The following ZBTB46 variants were observed in gnomAD, a reference collection of about 807,000 sequenced individuals.
ZBTB46 encodes the protein zinc finger and BTB domain-containing protein 46.
Under a neutral mutation model 44.1 loss-of-function variants are expected in ZBTB46, and 8 were observed. The observed-to-expected ratio is 0.18, with a 90% CI of 0.11 to 0.33. The LOEUF (loss-of-function observed/expected upper bound fraction) is 0.33, where lower values mean the gene tolerates loss of function less well. Ranked by LOEUF, ZBTB46 falls within the 10% of genes least tolerant of loss-of-function variation. The pLI, the probability that ZBTB46 is intolerant of heterozygous loss-of-function variation, is 1.00. For synonymous variants in ZBTB46, 409 were observed against 382.3 expected (o/e 1.07, Z -0.81); for missense variants, 651 against 847.7 (o/e 0.77, Z 2.88).
At chr20:63,822,454 C>G (rs1014384458) in intron 1 of ZBTB46, among the ~76,000 whole-genome samples, 2 of 152,190 alleles carry the variant, frequency 1.3e-5, no homozygotes, top group African/African-American at 2.4e-5. Context: ...GCTCTAGGCC[C>G]CGACAAAGGA....
intron 1 of ZBTB46, among the ~76,000 whole-genome samples, chr20:63,830,429 G>GCCGCC (rs1416552340): frequency 2.7e-5 from 4 of 149,850 alleles, no homozygotes; most frequent in Non-Finnish European, 4.5e-5. Flanking sequence ...CGCGCCCCGA[G>GCCGCC]CCGCCCCGCC....
chr20:63,789,210 C>T (rs1455349507), intron 2 of ZBTB46, among the ~76,000 whole-genome samples: 4 of 152,134 alleles, frequency 2.6e-5, no homozygotes, highest in Non-Finnish European at 5.9e-5. Context: ...TGTCAGCAGA[C>T]ACAAAATCCA....
At chr20:63,784,757 A>C (rs921185744) in intron 2 of ZBTB46, among the ~76,000 whole-genome samples, 4 of 152,224 alleles carry the variant, frequency 2.6e-5, no homozygotes, top group Admixed American at 2.6e-4. Flanking sequence ...CTCAGAAATA[A>C]ATTTCAAGGG....
intron 1 of ZBTB46, among the ~76,000 whole-genome samples, chr20:63,806,638 T>G (rs2146007273): frequency 6.6e-6 from 1 of 152,288 alleles, no homozygotes; most frequent in Admixed American, 6.5e-5. Context: ...AGATGGAATC[T>G]GGCTCTGTCA....
chr20:63,820,263 T>G (rs1170418347), intron 1 of ZBTB46, among the ~76,000 whole-genome samples: 1 of 151,538 alleles, frequency 6.6e-6, no homozygotes, highest in Non-Finnish European at 1.5e-5. Context: ...CCAGCTAATT[T>G]TGTTTTTTTG....
At chr20:63,786,588 C>T (rs1469845959) in intron 2 of ZBTB46, among the ~76,000 whole-genome samples, 3 of 152,028 alleles carry the variant, frequency 2.0e-5, no homozygotes, top group African/African-American at 7.2e-5. Context: ...CTCAGCTCAC[C>T]GCAACCTCCG....
At position 63,752,911 on chromosome 20, in the gene ZBTB46, C is replaced by A; in HGVS notation, c.1223-50G>T. 1 of 1,540,682 alleles carries A rather than the reference C, an allele frequency of 6.5e-7. No individual in the cohort carries two copies. ...GTCAGCAGGGCTTGGGATGTACCGC[C>A]CTGCGGCCCACAGACCACGGCTGCA... On this transcript the variant is annotated intron_variant, in intron 3 of 4. Coordinates refer to ENST00000245663, the MANE Select transcript of ZBTB46 (RefSeq NM_001369741.1). This position sits in a 1 kb window ranked among gnomAD's most constrained non-coding sequence, Gnocchi z 5.6.
chr20:63,796,089 G>A (rs1465402071), intron 1 of ZBTB46, among the ~76,000 whole-genome samples: 1 of 152,234 alleles, frequency 6.6e-6, no homozygotes, highest in African/African-American at 2.4e-5. Flanking sequence ...TCTGAAGACC[G>A]CGATGAATAT....
rs2092231914 is a variant in ZBTB46, at chr20:63,757,559, A to T, written c.1223-4698T>A. ...CCTGGCGGCGTGTCTACCCTGCATC[A>T]CCACCACAGCGTCTCCACGACGGCA... On this transcript the variant is annotated intron_variant, in intron 3 of 4. Transcript: ENST00000245663. Among the ~76,000 whole-genome samples the T allele has an allele frequency of 4.6e-5, 7 of 152,152 alleles. No homozygotes were observed. In the South Asian group the frequency reaches 1.5e-3, roughly 32 times the overall value.
rs190240811 is a variant in ZBTB46 at position 63,770,076 on chromosome 20, G to T, written c.1222+5602C>A. On this transcript the variant is annotated intron_variant, in intron 3 of 4. Transcript: ENST00000245663. ...CCTTGACTCTTTAAAAGAGTGAGGG[G>T]GGTTACACCAGCAACGCTCCAGAGG... Among the ~76,000 whole-genome samples the T allele has an allele frequency of 5.3e-3, 808 of 152,342 alleles. 7 individuals are homozygous for T. Among genetic ancestry groups the T allele is most frequent in the African/African-American group, 0.019 (770 of 41,582 alleles).
chr20:63,755,899 C>G (rs1444983423), intron 3 of ZBTB46, among the ~76,000 whole-genome samples: 1 of 152,160 alleles, frequency 6.6e-6, no homozygotes, highest in Non-Finnish European at 1.5e-5. Flanking sequence ...AAAACGGAAC[C>G]CTTTGCCAGG....
chr20:63,757,025 G>A (rs11697497), intron 3 of ZBTB46, among the ~76,000 whole-genome samples: 8,209 of 152,270 alleles, frequency 0.054, 304 homozygotes, highest in Non-Finnish European at 0.088. Context: ...ACCACAGGGT[G>A]TTCACCTGCT....
At chr20:63,773,797 G>A (rs550159319) in intron 3 of ZBTB46, among the ~76,000 whole-genome samples, 59 of 152,232 alleles carry the variant, frequency 3.9e-4, no homozygotes, top group African/African-American at 1.3e-3. Context: ...CCCACGAAAC[G>A]TGCCCAGCGC....
At chr20:63,825,246 C>T (rs1374624640) in intron 1 of ZBTB46, among the ~76,000 whole-genome samples, 1 of 151,548 alleles carries the variant, frequency 6.6e-6, no homozygotes, top group Admixed American at 6.6e-5. Context: ...ACTAAAAATA[C>T]AAAAATTAGC....
At chr20:63,798,786 G>A (rs2145968787) in intron 1 of ZBTB46, among the ~76,000 whole-genome samples, 2 of 150,190 alleles carry the variant, frequency 1.3e-5, no homozygotes, top group Middle Eastern at 6.8e-3. Context: ...AGAGGATGCA[G>A]TGAGCCAAGA....
At chr20:63,760,433 C>T (rs539656160) in intron 3 of ZBTB46, among the ~76,000 whole-genome samples, 21 of 151,864 alleles carry the variant, frequency 1.4e-4, no homozygotes, top group African/African-American at 5.1e-4. Flanking sequence ...ATCCAATATC[C>T]GTTGATCACT....
chr20:63,750,031 C>T (rs1409118960), intron 4 of ZBTB46, among the ~76,000 whole-genome samples: 1 of 152,250 alleles, frequency 6.6e-6, no homozygotes, highest in African/African-American at 2.4e-5. Flanking sequence ...GGGGGCCCTG[C>T]CCCAGCCACT....
upstream of ZBTB46, among the ~76,000 whole-genome samples, chr20:63,833,827 C>A (rs1447094352): frequency 6.6e-6 from 1 of 152,218 alleles, no homozygotes; most frequent in Non-Finnish European, 1.5e-5. Flanking sequence ...GAGACAGCGC[C>A]CTGATTAAGT....
rs2092554479 is a variant in ZBTB46 at position 63,790,737 on chromosome 20, A to T, written c.21T>A (p.Asp7Glu). Reference sequence around the variant, plus strand: ...GCCGGTAGTGGGACGTGATTTCCATATCTTCCTTTCGGTTGTTCATTTGGA... The same window carrying T: ...GCCGGTAGTGGGACGTGATTTCCATTTCTTCCTTTCGGTTGTTCATTTGGA... MNNRKE[D>E]MEITSHYRHL... Residue 7 changes from aspartate (D) to glutamate (E), a missense_variant, in exon 2 of 5, where the codon GAT becomes GAA. Asp to Glu is a conservative substitution (Grantham distance 45). Coordinates refer to ENST00000245663, the MANE Select transcript of ZBTB46 (RefSeq NM_001369741.1). The T allele has an allele frequency of 1.2e-6, 2 of 1,606,480 alleles. No individual in the cohort carries two copies. Among genetic ancestry groups the T allele is most frequent in the African/African-American group, 1.3e-5 (1 of 74,848 alleles).
Sources: gnomAD v4.1 joint callset for allele counts (sites outside exome capture counted in the v4.1 genomes callset) on GRCh38, gnomAD v4.1.1 for gene constraint, Gnocchi (gnomAD v3.1) non-coding constraint, MANE v1.5 for transcripts, NCBI Gene and HGNC (gene_info 2026-07-23, HGNC 2026-07-21) for gene names.